CAMKMT: variants seen among roughly 807,000 people sequenced by gnomAD.
CAMKMT encodes the protein CaM KMT.
In CAMKMT, 53 loss-of-function variants were observed where a neutral mutation model predicts 48.0. That is an observed-to-expected ratio of 1.10 (90% CI 0.89 to 1.39). The LOEUF is 1.39. Ranked by LOEUF, CAMKMT falls within the 40% of genes most tolerant of loss-of-function variation. The pLI, the probability that CAMKMT is intolerant of heterozygous loss-of-function variation, is 0.00. For missense variants in CAMKMT, 428 were observed against 402.7 expected (o/e 1.06, Z -0.54); for synonymous variants, 165 against 152.3 (o/e 1.08, Z -0.61).
intron 3 of CAMKMT, among the ~76,000 whole-genome samples, chr2:44,434,284 A>G (rs936712188): frequency 5.9e-5 from 9 of 152,002 alleles, no homozygotes; most frequent in Admixed American, 2.0e-4. Flanking sequence ...TAGACTTTTA[A>G]AAAACCATCT....
intron 3 of CAMKMT, among the ~76,000 whole-genome samples, chr2:44,469,491 C>G (rs1668304981): frequency 6.6e-6 from 1 of 151,534 alleles, no homozygotes; most frequent in Non-Finnish European, 1.5e-5. Context: ...GATGATAATT[C>G]CACATTTGTT....
chr2:44,743,494 C>A (rs537569209), intron 7 of CAMKMT, 128 bp from the exon 8 acceptor site: 2 of 620,092 alleles, frequency 3.2e-6, no homozygotes, highest in Non-Finnish European at 5.7e-6. Context: ...TTTTATTATA[C>A]CTTTTGAAAT....
At chr2:44,683,638 G>A (rs1360150169) in intron 3 of CAMKMT, among the ~76,000 whole-genome samples, 1 of 151,992 alleles carries the variant, frequency 6.6e-6, no homozygotes, top group African/African-American at 2.4e-5. Context: ...GGCTAACACA[G>A]TGAAACCCCC....
intron 3 of CAMKMT, among the ~76,000 whole-genome samples, chr2:44,517,286 A>G (rs1370712054): frequency 6.6e-6 from 1 of 152,194 alleles, no homozygotes; most frequent in Non-Finnish European, 1.5e-5. Flanking sequence ...CTGTGTCTGG[A>G]AACAATCTGT....
chr2:44,417,959 G>A (rs542939081), intron 3 of CAMKMT, among the ~76,000 whole-genome samples: 2 of 152,254 alleles, frequency 1.3e-5, no homozygotes, highest in African/African-American at 4.8e-5. Context: ...TTGGGAAGCC[G>A]AGGCGGGTAG....
rs1370880708 is a variant in CAMKMT, at chr2:44,370,105, A to AT, written c.139-2607dup. The AT allele has an allele frequency of 2.0e-5, 3 of 152,142 alleles. No homozygotes were observed. In the East Asian group the frequency reaches 5.8e-4, roughly 29 times the overall value. The allele number at this position is 152,142 out of a possible 1,614,324, so 9.4% of individuals were successfully genotyped here. On this transcript the variant is annotated intron_variant, in intron 1 of 10. Coordinates refer to ENST00000378494, the MANE Select transcript of CAMKMT (RefSeq NM_024766.5). Reference sequence around the variant, plus strand: ...TAGGGTCTGTAGTCAGGCAGCCTGGATTTTAACCTTGGGTTTGACTCTTGT... The same window carrying AT: ...TAGGGTCTGTAGTCAGGCAGCCTGGATTTTTAACCTTGGGTTTGACTCTTGT...
At chr2:44,437,206 G>C (rs903894687) in intron 3 of CAMKMT, among the ~76,000 whole-genome samples, 2 of 152,000 alleles carry the variant, frequency 1.3e-5, no homozygotes, top group Non-Finnish European at 2.9e-5. Context: ...TCCTTCTTAA[G>C]AAAAAAGCAT....
At chr2:44,456,496 A>T in intron 3 of CAMKMT, 1 of 1,523,392 alleles carries the variant, frequency 6.6e-7, no homozygotes, top group Admixed American at 2.1e-5. Flanking sequence ...AGAAACAAAA[A>T]GACCTTGGAA....
intron 3 of CAMKMT, among the ~76,000 whole-genome samples, chr2:44,497,564 A>G (rs1271123862): frequency 1.3e-5 from 2 of 152,202 alleles, no homozygotes; most frequent in Admixed American, 6.5e-5. Flanking sequence ...TGAAAGTTAC[A>G]TACCAAATTA....
intron 3 of CAMKMT, among the ~76,000 whole-genome samples, chr2:44,533,103 C>T (rs1034476077): frequency 6.6e-6 from 1 of 150,704 alleles, no homozygotes; most frequent in Non-Finnish European, 1.5e-5. Flanking sequence ...CATGAGCCAC[C>T]GCTCCTGACC....
At chr2:44,629,908 A>G (rs1296807331) in intron 3 of CAMKMT, among the ~76,000 whole-genome samples, 2 of 152,070 alleles carry the variant, frequency 1.3e-5, no homozygotes, top group Non-Finnish European at 2.9e-5. Flanking sequence ...TAAAGTTCAT[A>G]TGGAACCAAA....
intron 3 of CAMKMT, among the ~76,000 whole-genome samples, chr2:44,409,471 T>C (rs1323404335): frequency 6.6e-6 from 1 of 152,164 alleles, no homozygotes; most frequent in Non-Finnish European, 1.5e-5. Context: ...TTGGTTTGAT[T>C]CTAAAAGTAG....
intron 3 of CAMKMT, among the ~76,000 whole-genome samples, chr2:44,433,549 T>C (rs1684774442): frequency 6.6e-6 from 1 of 152,194 alleles, no homozygotes; most frequent in African/African-American, 2.4e-5. Context: ...GTAACACTTT[T>C]TGCTTAGTCT....
At chr2:44,486,870 T>A (rs907264766) in intron 3 of CAMKMT, among the ~76,000 whole-genome samples, 5 of 152,214 alleles carry the variant, frequency 3.3e-5, no homozygotes, top group African/African-American at 1.2e-4. Flanking sequence ...ATAATTTAGA[T>A]TCCAGTGCCT....
intron 7 of CAMKMT, among the ~76,000 whole-genome samples, chr2:44,740,119 G>A (rs1289484866): frequency 1.4e-5 from 2 of 145,666 alleles, no homozygotes; most frequent in Non-Finnish European, 3.0e-5. Flanking sequence ...TTAACTGATT[G>A]CTGCATTTTT....
intron 3 of CAMKMT, among the ~76,000 whole-genome samples, chr2:44,700,664 G>A (rs998190571): frequency 3.9e-5 from 6 of 152,002 alleles, no homozygotes; most frequent in Admixed American, 1.3e-4. Context: ...AATTCATGCC[G>A]CCCCAAAACA....
chr2:44,577,845 T>A (rs559264303), intron 3 of CAMKMT, among the ~76,000 whole-genome samples: 1 of 152,276 alleles, frequency 6.6e-6, no homozygotes, highest in South Asian at 2.1e-4. Flanking sequence ...AAGTAACCCT[T>A]ATCTTCTACT....
At chr2:44,748,378 A>G (rs1209736223) in intron 8 of CAMKMT, among the ~76,000 whole-genome samples, 1 of 152,128 alleles carries the variant, frequency 6.6e-6, no homozygotes, top group African/African-American at 2.4e-5. Flanking sequence ...TTTGAAGCTC[A>G]GTTCTTAAGG....
chr2:44,642,112 C>T (rs1276225202), intron 3 of CAMKMT, among the ~76,000 whole-genome samples: 1 of 152,138 alleles, frequency 6.6e-6, no homozygotes, highest in Non-Finnish European at 1.5e-5. Context: ...AATGAATATG[C>T]TATTTTATAT....
Sources: gnomAD v4.1 joint callset for allele counts (sites outside exome capture counted in the v4.1 genomes callset) on GRCh38, gnomAD v4.1.1 for gene constraint, MANE v1.5 for transcripts, NCBI Gene and HGNC (gene_info 2026-07-23, HGNC 2026-07-21) for gene names.